The following NEK11 variants were observed in gnomAD, a reference collection of about 807,000 sequenced individuals.
The protein encoded by NEK11 is NIMA related kinase 11.
NEK11 carries 72 observed loss-of-function variants against 80.7 expected under a neutral mutation model. The observed-to-expected ratio is 0.89, with a 90% CI of 0.74 to 1.08. The LOEUF is 1.08. Ranked by LOEUF, NEK11 falls within the 50% of genes least tolerant of loss-of-function variation. NEK11 has a pLI of 0.00. For missense variants in NEK11, 764 were observed against 763.6 expected (o/e 1.00, Z -0.01); for synonymous variants, 251 against 260.7 (o/e 0.96, Z 0.36).
intron 17 of NEK11, among the ~76,000 whole-genome samples, chr3:131,298,688 A>AGGTGGTGGT (rs1019957752): frequency 1.3e-5 from 2 of 149,832 alleles, no homozygotes; most frequent in Non-Finnish European, 3.0e-5. Context: ...TAATATGCCT[A>AGGTGGTGGT]GGTGGTGGTG....
At chr3:131,213,342 A>G (rs1321854571) in intron 14 of NEK11, among the ~76,000 whole-genome samples, 4 of 152,202 alleles carry the variant, frequency 2.6e-5, no homozygotes, top group Admixed American at 6.5e-5. Flanking sequence ...GGTGCTGCCA[A>G]TGGGAGACAA....
chr3:131,189,170 A>T (rs770864742), intron 14 of NEK11, among the ~76,000 whole-genome samples: 2 of 152,158 alleles, frequency 1.3e-5, no homozygotes, highest in Non-Finnish European at 2.9e-5. Context: ...TTCCAGAAGG[A>T]ACCAACCCTG....
intron 4 of NEK11, among the ~76,000 whole-genome samples, chr3:131,102,365 G>A (rs1358428212): frequency 2.0e-5 from 3 of 152,222 alleles, no homozygotes; most frequent in East Asian, 1.9e-4. Flanking sequence ...TCGTGAGGCT[G>A]GTCTAGTTAA....
intron 3 of NEK11, among the ~76,000 whole-genome samples, chr3:131,039,331 T>C (rs988269414): frequency 6.6e-5 from 10 of 152,364 alleles, no homozygotes; most frequent in Admixed American, 6.5e-4. Flanking sequence ...CTAACTTTAA[T>C]TTCCTGACCC....
Position 131,029,869 on chromosome 3 carries a change from G to A in NEK11, c.161G>A (p.Gly54Glu), listed in dbSNP as rs1277517150. 1 of 1,614,028 alleles carries A rather than the reference G, an allele frequency of 6.2e-7. No individual in the cohort carries two copies. The highest frequency in any genetic ancestry group is 1.7e-5 in the Admixed American group (1 of 59,996). Residue 54 changes from glycine to glutamate, a missense_variant, in exon 3 of 18, where the codon GGA becomes GAA. Transcript: ENST00000383366. ...YLVSDKKAKR[G>E]EELKVLKEIS... Reference sequence around the variant, plus strand: ...GTTTCAGACAAGAAAGCCAAACGAGGAGAGGAATTGTAAGTAAAAATGCTT... The same window carrying A: ...GTTTCAGACAAGAAAGCCAAACGAGAAGAGGAATTGTAAGTAAAAATGCTT...
chr3:131,168,705 G>C (rs1274972438), intron 12 of NEK11, 125 bp from the exon 13 acceptor site: 1 of 639,550 alleles, frequency 1.6e-6, no homozygotes, highest in Non-Finnish European at 2.7e-6. Flanking sequence ...CTGCTGGTCT[G>C]TTTCCTATGT....
chr3:131,305,385 G>T (rs1331662891), intron 17 of NEK11, among the ~76,000 whole-genome samples: 7 of 152,066 alleles, frequency 4.6e-5, no homozygotes, highest in Admixed American at 4.6e-4. Flanking sequence ...GGGCATCCAA[G>T]GCTGCACTGC....
At chr3:131,166,843 C>G (rs905244436) in intron 12 of NEK11, among the ~76,000 whole-genome samples, 1 of 152,084 alleles carries the variant, frequency 6.6e-6, no homozygotes, top group Admixed American at 6.5e-5. Context: ...GACTCAAGCC[C>G]CCTCTGAAAA....
intron 17 of NEK11, among the ~76,000 whole-genome samples, chr3:131,348,328 G>A (rs2097397523): frequency 6.6e-6 from 1 of 152,032 alleles, no homozygotes. Flanking sequence ...TAAATTCAGT[G>A]GAACAATATG....
chr3:131,123,152 A>C (rs954177229), intron 5 of NEK11, among the ~76,000 whole-genome samples: 7 of 152,184 alleles, frequency 4.6e-5, no homozygotes, highest in African/African-American at 1.4e-4. Flanking sequence ...CTGTAACCAC[A>C]AAGCCAATAC....
chr3:131,310,204 A>G (rs533770071), intron 17 of NEK11, among the ~76,000 whole-genome samples: 60 of 152,160 alleles, frequency 3.9e-4, no homozygotes, highest in African/African-American at 1.3e-3. Flanking sequence ...CATAAAAAGT[A>G]TTTATTCTCT....
intron 14 of NEK11, among the ~76,000 whole-genome samples, chr3:131,214,693 GCA>G (rs1491039545): frequency 3.1e-4 from 29 of 93,026 alleles, no homozygotes; most frequent in African/African-American, 1.0e-3. Context: ...GAATGTGCGT[GCA>G]TGTGTGTGTG....
chr3:131,339,962 G>A (rs955531682), intron 17 of NEK11, among the ~76,000 whole-genome samples: 2 of 152,198 alleles, frequency 1.3e-5, no homozygotes, highest in Non-Finnish European at 2.9e-5. Context: ...CCAAAGGCGT[G>A]AGCAATGCAA....
At chr3:131,246,020 C>A (rs1299400461) in intron 16 of NEK11, among the ~76,000 whole-genome samples, 1 of 152,050 alleles carries the variant, frequency 6.6e-6, no homozygotes, top group Non-Finnish European at 1.5e-5. Flanking sequence ...GGTTTTGTTG[C>A]TTATGCTCTT....
chr3:131,204,952 G>T (rs1236963111), intron 14 of NEK11, among the ~76,000 whole-genome samples: 1 of 152,040 alleles, frequency 6.6e-6, no homozygotes, highest in African/African-American at 2.4e-5. Context: ...CTAATTTTTT[G>T]GGAAAGTGAT....
intron 4 of NEK11, among the ~76,000 whole-genome samples, chr3:131,097,417 G>A (rs1216003895): frequency 6.6e-6 from 1 of 151,720 alleles, no homozygotes; most frequent in Middle Eastern, 3.2e-3. Flanking sequence ...ACTTTTTAAT[G>A]ATTGCCATTC....
intron 5 of NEK11, among the ~76,000 whole-genome samples, chr3:131,125,411 A>G (rs116500327): frequency 0.046 from 6,971 of 152,280 alleles, 248 homozygotes; most frequent in Non-Finnish European, 0.069. Context: ...TTAATTAATA[A>G]TAGTAATATT....
Position 131,031,793 on chromosome 3 carries a change from G to A in NEK11, c.170+1915G>A, listed in dbSNP as rs1226593962. 1.3e-4 allele frequency among the ~76,000 whole-genome samples: 20 copies of A among 152,094 alleles called. 1 individual carries two copies. The highest frequency in any genetic ancestry group is 1.3e-3 in the Admixed American group (20 of 15,274). On this transcript the variant is annotated intron_variant, in intron 3 of 17. Coordinates refer to ENST00000383366, the MANE Select transcript of NEK11 (RefSeq NM_024800.5). ...CAGACATGTTTGTGGAATGAATCCA[G>A]TGGTGAGGATAACGGACAAAAATCA...
At chr3:131,287,325 G>A (rs572350792) in intron 17 of NEK11, among the ~76,000 whole-genome samples, 2 of 152,182 alleles carry the variant, frequency 1.3e-5, no homozygotes, top group Non-Finnish European at 2.9e-5. Context: ...CCGGGCTGGG[G>A]TGCAGTGGTG....
Sources: gnomAD v4.1 joint callset for allele counts (sites outside exome capture counted in the v4.1 genomes callset) on GRCh38, gnomAD v4.1.1 for gene constraint, MANE v1.5 for transcripts, NCBI Gene and HGNC (gene_info 2026-07-23, HGNC 2026-07-21) for gene names.